DIAPH3: variants seen among roughly 807,000 people sequenced by gnomAD.
The protein encoded by DIAPH3 is diaphanous related formin 3, also known as protein diaphanous homolog 3.
A neutral mutation model predicts 144.3 loss-of-function variants in DIAPH3; 117 were observed. The ratio of observed to expected loss-of-function variants is 0.81; its 90% confidence interval spans 0.70 to 0.95. The LOEUF is 0.95. DIAPH3 is among the 40% of genes least tolerant of loss of function. The pLI is 0.00. For missense variants in DIAPH3, 1,421 were observed against 1,412.7 expected (o/e 1.01, Z -0.09); for synonymous variants, 519 against 488.9 (o/e 1.06, Z -0.81).
intron 3 of DIAPH3, among the ~76,000 whole-genome samples, chr13:60,100,539 A>C (rs953392225): frequency 6.6e-6 from 1 of 152,168 alleles, no homozygotes; most frequent in Non-Finnish European, 1.5e-5. Flanking sequence ...AGTTAGCAAT[A>C]TCGTCTCAGT....
chr13:60,075,398 G>A (rs1010423230), intron 4 of DIAPH3, among the ~76,000 whole-genome samples: 7 of 151,480 alleles, frequency 4.6e-5, no homozygotes, highest in South Asian at 2.1e-4. Flanking sequence ...TCTCTCCTTC[G>A]CTACCCATAC....
chr13:60,065,659 A>G (rs1029115013), intron 4 of DIAPH3, among the ~76,000 whole-genome samples: 1 of 152,226 alleles, frequency 6.6e-6, no homozygotes, highest in African/African-American at 2.4e-5. Flanking sequence ...TCAACTCATC[A>G]ACAAATTTCC....
intron 23 of DIAPH3, among the ~76,000 whole-genome samples, chr13:59,834,707 A>G (rs1450010604): frequency 6.6e-6 from 1 of 151,722 alleles, no homozygotes; most frequent in African/African-American, 2.4e-5. Flanking sequence ...GCAAACTGTT[A>G]AACTCCAACT....
chr13:60,109,939 CA>C (rs750859463), intron 3 of DIAPH3, among the ~76,000 whole-genome samples: 3 of 152,130 alleles, frequency 2.0e-5, no homozygotes, highest in Admixed American at 6.5e-5. Flanking sequence ...CACCAAAAGA[CA>C]AACGGGGGGA....
At chr13:60,009,695 G>A (rs944013813) in intron 8 of DIAPH3, among the ~76,000 whole-genome samples, 6 of 152,144 alleles carry the variant, frequency 3.9e-5, no homozygotes, top group Admixed American at 2.6e-4. Context: ...GGCTGAGGCC[G>A]AGTGGTGTCT....
chr13:59,974,255 T>C (rs895921648), intron 15 of DIAPH3, 97 bp downstream of exon 15: 2 of 947,946 alleles, frequency 2.1e-6, no homozygotes, highest in Non-Finnish European at 3.3e-6. Context: ...ACAAGCAAAA[T>C]TAAAGTTTAA....
chr13:60,073,062 G>C, intron 4 of DIAPH3, among the ~76,000 whole-genome samples: 1 of 152,162 alleles, frequency 6.6e-6, no homozygotes, highest in South Asian at 2.1e-4. Flanking sequence ...TAATCCCAAC[G>C]CTTTGGGAGG....
chr13:60,087,370 G>T (rs1378068373), intron 4 of DIAPH3, among the ~76,000 whole-genome samples: 5 of 152,134 alleles, frequency 3.3e-5, no homozygotes, highest in African/African-American at 1.2e-4. Context: ...AGCTAGAGCA[G>T]TACTATGACA....
chr13:60,033,283 C>A (rs1277118276), intron 5 of DIAPH3, among the ~76,000 whole-genome samples: 1 of 152,184 alleles, frequency 6.6e-6, no homozygotes, highest in Non-Finnish European at 1.5e-5. Flanking sequence ...TCACCCAGTA[C>A]CAAAGTTCCT....
chr13:59,911,970 A>G (rs1477246075), intron 19 of DIAPH3, 134 bp from the exon 20 acceptor site: 4 of 708,266 alleles, frequency 5.6e-6, no homozygotes, highest in Non-Finnish European at 9.4e-6. Flanking sequence ...CTCCCTCCTA[A>G]TAAGCCTTAA....
intron 4 of DIAPH3, among the ~76,000 whole-genome samples, chr13:60,050,571 T>A (rs980155425): frequency 3.9e-5 from 6 of 151,968 alleles, no homozygotes; most frequent in Admixed American, 1.3e-4. Flanking sequence ...AGTGAAGAAA[T>A]CAGAAGCAGC....
chr13:60,052,509 C>A (rs1566715974), intron 4 of DIAPH3, among the ~76,000 whole-genome samples: 1 of 151,988 alleles, frequency 6.6e-6, no homozygotes, highest in Non-Finnish European at 1.5e-5. Flanking sequence ...AACTAGGTAG[C>A]CCAGTCTTCA....
chr13:59,818,247 AT>A (rs1443528218), intron 24 of DIAPH3, among the ~76,000 whole-genome samples: 2 of 151,896 alleles, frequency 1.3e-5, no homozygotes, highest in Non-Finnish European at 2.9e-5. Context: ...CTGAAAAAAA[AT>A]CTTTTAACAT....
intron 4 of DIAPH3, among the ~76,000 whole-genome samples, chr13:60,092,866 A>G (rs1219812369): frequency 6.6e-6 from 1 of 152,236 alleles, no homozygotes; most frequent in African/African-American, 2.4e-5. Context: ...AACTTAGGTT[A>G]AAATACCCAA....
At chr13:60,060,924 G>A (rs1038592971) in intron 4 of DIAPH3, among the ~76,000 whole-genome samples, 3 of 151,902 alleles carry the variant, frequency 2.0e-5, no homozygotes, top group Admixed American at 2.0e-4. Flanking sequence ...AACCATGTAA[G>A]TATCTATTAT....
intron 20 of DIAPH3, among the ~76,000 whole-genome samples, chr13:59,888,046 T>C (rs1169192561): frequency 6.6e-6 from 1 of 152,140 alleles, no homozygotes; most frequent in African/African-American, 2.4e-5. Flanking sequence ...TTTATTACTA[T>C]TTGTTTTCCA....
chr13:60,061,511 C>T (rs1409133207), intron 4 of DIAPH3, among the ~76,000 whole-genome samples: 1 of 151,132 alleles, frequency 6.6e-6, no homozygotes, highest in African/African-American at 2.4e-5. Context: ...TGAATAAATA[C>T]ATCTTCTCAG....
intron 1 of DIAPH3, among the ~76,000 whole-genome samples, chr13:60,133,994 T>C (rs2059205692): frequency 3.9e-5 from 6 of 152,242 alleles, no homozygotes; most frequent in Admixed American, 3.9e-4. Context: ...CATGTTTGTA[T>C]ACTCAAGTAC....
At chr13:59,974,291 C>A (rs2050548689) in intron 15 of DIAPH3, 61 bp downstream of exon 15, 6 of 1,212,320 alleles carry the variant, frequency 4.9e-6, no homozygotes, top group Non-Finnish European at 6.1e-6. Context: ...GAAGATATAA[C>A]ATAACCTTTG....
Sources: allele counts gnomAD v4.1 joint callset (sites outside exome capture counted in the v4.1 genomes callset), GRCh38; gene constraint gnomAD v4.1.1; transcripts MANE v1.5; gene names NCBI Gene and HGNC (gene_info 2026-07-23, HGNC 2026-07-21).